SPOCK1: variants seen among roughly 807,000 people sequenced by gnomAD.
The protein encoded by SPOCK1 is SPARC (osteonectin), cwcv and kazal like domains proteoglycan 1, also known as testican-1.
A neutral mutation model predicts 55.3 loss-of-function variants in SPOCK1; 23 were observed. The observed-to-expected ratio is 0.42, with a 90% CI of 0.30 to 0.59. SPOCK1 has a LOEUF of 0.59. Ranked by LOEUF, SPOCK1 falls within the 20% of genes least tolerant of loss-of-function variation. The probability of loss-of-function intolerance (pLI) is 0.22; values close to 1 mark genes in which losing one functional copy is unlikely to be tolerated. For synonymous variants in SPOCK1, 226 were observed against 221.0 expected, an observed-to-expected ratio of 1.02 and a Z score of -0.20; for missense variants, 499 against 552.5, an observed-to-expected ratio of 0.90 and a Z score of 0.97.
chr5:137,189,922 G>A, intron 3 of SPOCK1, among the ~76,000 whole-genome samples: 1 of 151,770 alleles, frequency 6.6e-6, no homozygotes, highest in Non-Finnish European at 1.5e-5. Context: ...GACTTTGAGG[G>A]GTACAAGACT....
intron 3 of SPOCK1, among the ~76,000 whole-genome samples, chr5:137,217,442 C>T (rs764415429): frequency 3.9e-5 from 6 of 152,188 alleles, no homozygotes; most frequent in Non-Finnish European, 5.9e-5. Context: ...GAGCCTCCCC[C>T]ACCACAGCCT....
At chr5:137,192,232 CA>C (rs60401497) in intron 3 of SPOCK1, among the ~76,000 whole-genome samples, 1,422 of 68,244 alleles carry the variant, frequency 0.021, 12 homozygotes, top group African/African-American at 0.056. Flanking sequence ...GACTCTGTCT[CA>C]AAAAAAAAAA....
intron 3 of SPOCK1, among the ~76,000 whole-genome samples, chr5:137,175,507 G>A (rs1754837499): frequency 6.6e-6 from 1 of 152,160 alleles, no homozygotes; most frequent in Non-Finnish European, 1.5e-5. Context: ...CCAGTTCCTG[G>A]AATTGCTGGA....
At chr5:137,415,227 T>C (rs142066357) in intron 2 of SPOCK1, among the ~76,000 whole-genome samples, 4 of 152,200 alleles carry the variant, frequency 2.6e-5, no homozygotes, top group South Asian at 2.1e-4. Flanking sequence ...AGAACCCATA[T>C]AGTTTGAGAT....
At chr5:137,274,722 T>C (rs1757029422) in intron 2 of SPOCK1, among the ~76,000 whole-genome samples, 1 of 152,118 alleles carries the variant, frequency 6.6e-6, no homozygotes, top group African/African-American at 2.4e-5. Context: ...CTGGAAAAAA[T>C]AATTATGAAA....
intron 4 of SPOCK1, among the ~76,000 whole-genome samples, chr5:137,132,007 TATATATATATATAA>T (rs1188746286): frequency 3.7e-5 from 3 of 80,472 alleles, no homozygotes; most frequent in Admixed American, 1.4e-4. Flanking sequence ...TATATATATA[TATATATATATATAA>T]AAAATTAGCT....
chr5:137,093,673 G>A (rs566872802), intron 5 of SPOCK1, among the ~76,000 whole-genome samples: 1 of 152,304 alleles, frequency 6.6e-6, no homozygotes, highest in East Asian at 1.9e-4. Context: ...GCTAAGATGG[G>A]GATGCGGAGA....
At position 137,004,851 on chromosome 5, in the gene SPOCK1, G is replaced by C. The variant is rs562717139; in HGVS notation, c.590-12251C>G. Among the ~76,000 whole-genome samples the C allele has an allele frequency of 7.2e-5, 11 of 152,292 alleles. No homozygotes were observed. In the East Asian group the frequency reaches 2.1e-3, roughly 29 times the overall value. ...CAAAAATAGACTTCCTACAGGCAAA[G>C]AGCTCCTTCTGAAGTGATAGACTTC... is the stretch of plus-strand genomic sequence containing the variant. On this transcript the variant is annotated intron_variant, in intron 6 of 10. Transcript: ENST00000394945.
At chr5:137,233,795 C>A (rs1354075117) in intron 3 of SPOCK1, among the ~76,000 whole-genome samples, 1 of 128,744 alleles carries the variant, frequency 7.8e-6, no homozygotes, top group East Asian at 2.4e-4. Context: ...TTCTAGGAGG[C>A]TGTATTTCCT....
intron 2 of SPOCK1, among the ~76,000 whole-genome samples, chr5:137,273,650 A>T (rs560018359): frequency 6.6e-6 from 1 of 152,214 alleles, no homozygotes; most frequent in Non-Finnish European, 1.5e-5. Context: ...AGTGATCTAT[A>T]TCATTGCTGC....
chr5:137,478,961 C>A (rs966561846), intron 2 of SPOCK1, among the ~76,000 whole-genome samples: 2 of 151,998 alleles, frequency 1.3e-5, no homozygotes, highest in Non-Finnish European at 2.9e-5. Flanking sequence ...TTACTCCACA[C>A]CAGGCCTCCC....
At chr5:137,487,172 A>G (rs2149844081) in intron 2 of SPOCK1, among the ~76,000 whole-genome samples, 1 of 152,252 alleles carries the variant, frequency 6.6e-6, no homozygotes, top group Non-Finnish European at 1.5e-5. Flanking sequence ...ATTAAAGGAA[A>G]TTCAAGCAGC....
intron 3 of SPOCK1, among the ~76,000 whole-genome samples, chr5:137,203,207 T>C (rs1056313032): frequency 1.8e-4 from 28 of 152,044 alleles, no homozygotes; most frequent in African/African-American, 6.0e-4. Flanking sequence ...ACCATGGACA[T>C]GAGTAATAGA....
intron 4 of SPOCK1, among the ~76,000 whole-genome samples, chr5:137,138,229 C>T (rs1300837617): frequency 1.3e-5 from 2 of 152,204 alleles, no homozygotes; most frequent in Non-Finnish European, 2.9e-5. Context: ...CTCTCACCCA[C>T]TGTAATTTTA....
intron 5 of SPOCK1, among the ~76,000 whole-genome samples, chr5:137,081,735 G>C (rs373681862): frequency 3.3e-4 from 51 of 152,320 alleles, no homozygotes; most frequent in African/African-American, 1.1e-3. Flanking sequence ...CTTAAACTTT[G>C]AATTACTGCC....
chr5:137,133,401 G>C (rs958250905), intron 4 of SPOCK1, among the ~76,000 whole-genome samples: 1 of 151,848 alleles, frequency 6.6e-6, no homozygotes, highest in Non-Finnish European at 1.5e-5. Context: ...ATTTGTAAAG[G>C]GGGACCCCCA....
chr5:137,144,914 C>A (rs1464823180), intron 3 of SPOCK1, among the ~76,000 whole-genome samples: 1 of 152,156 alleles, frequency 6.6e-6, no homozygotes, highest in Non-Finnish European at 1.5e-5. Context: ...CAATCTCTCT[C>A]CGCATACAAG....
intron 2 of SPOCK1, among the ~76,000 whole-genome samples, chr5:137,308,765 T>C (rs1387148955): frequency 6.6e-6 from 1 of 152,164 alleles, no homozygotes; most frequent in Non-Finnish European, 1.5e-5. Context: ...AGATACACCA[T>C]CTAAAGAAGA....
intron 4 of SPOCK1, among the ~76,000 whole-genome samples, chr5:137,131,915 T>C (rs1753887024): frequency 7.7e-6 from 1 of 129,440 alleles, no homozygotes; most frequent in African/African-American, 3.0e-5. Context: ...GAGCTTGCAG[T>C]GAGCCGAGAT....
Sources: gnomAD v4.1 joint callset for allele counts (sites outside exome capture counted in the v4.1 genomes callset) on GRCh38, gnomAD v4.1.1 for gene constraint, MANE v1.5 for transcripts, NCBI Gene and HGNC (gene_info 2026-07-23, HGNC 2026-07-21) for gene names.